GPC6: variants seen among roughly 807,000 people sequenced by gnomAD.
The protein encoded by GPC6 is glypican 6.
GPC6 carries 14 observed loss-of-function variants against 55.2 expected under a neutral mutation model. The ratio of observed to expected loss-of-function variants is 0.25; its 90% CI spans 0.17 to 0.40. GPC6 has a LOEUF of 0.40. GPC6 is among the 10% of genes least tolerant of loss of function. The probability of loss-of-function intolerance (pLI) is 1.00; values close to 1 mark genes in which losing one functional copy is unlikely to be tolerated. For missense variants in GPC6, 641 were observed against 708.5 expected, an observed-to-expected ratio of 0.90 and a Z score of 1.08; for synonymous variants, 278 against 259.6, an observed-to-expected ratio of 1.07 and a Z score of -0.68.
intron 5 of GPC6, among the ~76,000 whole-genome samples, chr13:94,294,298 T>C (rs1308863168): frequency 6.6e-6 from 1 of 152,250 alleles, no homozygotes; most frequent in East Asian, 1.9e-4. Flanking sequence ...GGAAGACTTA[T>C]TACATTCCAA....
At chr13:94,017,128 T>C (rs1882498855) in intron 3 of GPC6, among the ~76,000 whole-genome samples, 1 of 152,192 alleles carries the variant, frequency 6.6e-6, no homozygotes, top group African/African-American at 2.4e-5. Flanking sequence ...CCACCGTGCC[T>C]GGCCAGTTTT....
At chr13:93,604,826 G>C (rs555641112) in intron 2 of GPC6, among the ~76,000 whole-genome samples, 1 of 128,160 alleles carries the variant, frequency 7.8e-6, no homozygotes, top group South Asian at 2.3e-4. Context: ...GTAACTGGTA[G>C]ACATAAATAC....
intron 2 of GPC6, among the ~76,000 whole-genome samples, chr13:93,804,143 A>G (rs937936554): frequency 1.3e-5 from 2 of 152,198 alleles, no homozygotes. Context: ...ATTGATAGAT[A>G]GATATAGGTT....
chr13:93,848,908 T>G (rs1361757327), intron 3 of GPC6, among the ~76,000 whole-genome samples: 1 of 152,146 alleles, frequency 6.6e-6, no homozygotes, highest in African/African-American at 2.4e-5. Flanking sequence ...CAAAACTTGC[T>G]AAAATCCACT....
intron 4 of GPC6, among the ~76,000 whole-genome samples, chr13:94,248,267 G>C (rs7999603): frequency 6.6e-6 from 1 of 152,018 alleles, no homozygotes; most frequent in Non-Finnish European, 1.5e-5. Context: ...TGATTTCTCT[G>C]TCCTCACCTC....
intron 3 of GPC6, among the ~76,000 whole-genome samples, chr13:94,004,417 C>A (rs151032510): frequency 3.6e-4 from 54 of 152,036 alleles, no homozygotes; most frequent in African/African-American, 1.2e-3. Flanking sequence ...CCAGTGCAAC[C>A]CCTCCATCCC....
chr13:94,080,408 A>G (rs1885059869), intron 4 of GPC6, among the ~76,000 whole-genome samples: 1 of 152,238 alleles, frequency 6.6e-6, no homozygotes, highest in Non-Finnish European at 1.5e-5. Context: ...ATCTACTCCA[A>G]GCTATTAATC....
At chr13:93,373,593 G>C (rs977778906) in intron 1 of GPC6, among the ~76,000 whole-genome samples, 3 of 152,160 alleles carry the variant, frequency 2.0e-5, no homozygotes, top group Admixed American at 6.5e-5. Flanking sequence ...ATTATACTTA[G>C]ATTAGTGTGT....
At chr13:93,304,891 A>C (rs1878804585) in intron 1 of GPC6, among the ~76,000 whole-genome samples, 1 of 152,100 alleles carries the variant, frequency 6.6e-6, no homozygotes, top group Admixed American at 6.5e-5. Flanking sequence ...CTATACAAGT[A>C]TGTTTGGCTT....
At chr13:93,387,032 A>G (rs1296022426) in intron 1 of GPC6, among the ~76,000 whole-genome samples, 1 of 152,140 alleles carries the variant, frequency 6.6e-6, no homozygotes, top group Non-Finnish European at 1.5e-5. Flanking sequence ...CAAAGACCCT[A>G]TCTCCAAATA....
intron 2 of GPC6, among the ~76,000 whole-genome samples, chr13:93,825,409 A>G (rs2138972512): frequency 6.6e-6 from 1 of 152,334 alleles, no homozygotes; most frequent in African/African-American, 2.4e-5. Flanking sequence ...ATAGCACACA[A>G]GCTGCAGCTT....
chr13:93,463,471 A>G (rs1309239285), intron 1 of GPC6, among the ~76,000 whole-genome samples: 1 of 152,164 alleles, frequency 6.6e-6, no homozygotes, highest in Non-Finnish European at 1.5e-5. Context: ...TCTTAGTGTG[A>G]TTCAAGTACT....
intron 1 of GPC6, among the ~76,000 whole-genome samples, chr13:93,469,737 C>G (rs937983821): frequency 2.0e-5 from 3 of 152,078 alleles, no homozygotes; most frequent in African/African-American, 7.2e-5. Flanking sequence ...ATGTTTAGAT[C>G]TGTGATCCAT....
intron 2 of GPC6, among the ~76,000 whole-genome samples, chr13:93,545,954 G>C (rs1874766705): frequency 6.6e-6 from 1 of 152,076 alleles, no homozygotes. Flanking sequence ...CTGATTATAA[G>C]CAGTCAATGT....
rs527748494 is a variant in GPC6 at position 93,941,972 on chromosome 13, G to C, written c.712-85757G>C. On this transcript the variant is annotated intron_variant, in intron 3 of 8. Coordinates refer to ENST00000377047, the MANE Select transcript of GPC6 (RefSeq NM_005708.5). ...TGTAGTCTTTCTTTAGAGGTACCTG[G>C]TATACAGAAATCTCTCACAACACCA... Among the ~76,000 whole-genome samples the C allele has an allele frequency of 2.0e-5, 3 of 152,200 alleles. No individual in the cohort carries two copies. In the East Asian group the frequency reaches 5.8e-4, roughly 29 times the overall value.
chr13:93,277,361 G>A (rs997540565), intron 1 of GPC6, among the ~76,000 whole-genome samples: 3 of 152,170 alleles, frequency 2.0e-5, no homozygotes, highest in Non-Finnish European at 4.4e-5. Context: ...ATTAAGAGTT[G>A]TAAGGATCAA....
At chr13:93,485,650 A>G (rs1346657596) in intron 1 of GPC6, among the ~76,000 whole-genome samples, 3 of 152,224 alleles carry the variant, frequency 2.0e-5, no homozygotes, top group Admixed American at 1.3e-4. Flanking sequence ...TTGAGAAAGC[A>G]AAATGACCCT....
rs1261633196 is a variant in GPC6, at chr13:94,305,970, G to A, written c.1009-10G>A. Reference sequence around the variant, plus strand: ...GTATAGCTGTTTTTACTTTTCAATGGTTCTTCCAGGTCTTTCAGGGATGTG... The same window carrying A: ...GTATAGCTGTTTTTACTTTTCAATGATTCTTCCAGGTCTTTCAGGGATGTG... On this transcript the variant is annotated splice_polypyrimidine_tract_variant and intron_variant, in intron 5 of 8. Coordinates refer to ENST00000377047, the MANE Select transcript of GPC6 (RefSeq NM_005708.5). 6.2e-7 allele frequency: 1 copy of A among 1,613,858 alleles called. No homozygotes were observed. The highest frequency in any genetic ancestry group is 8.5e-7 in the Non-Finnish European group (1 of 1,179,816).
chr13:93,902,124 C>G (rs949458751), intron 3 of GPC6, among the ~76,000 whole-genome samples: 1 of 151,880 alleles, frequency 6.6e-6, no homozygotes, highest in African/African-American at 2.4e-5. Flanking sequence ...TATTGTTTTC[C>G]ATAGTCATCC....
Sources: gnomAD v4.1 joint callset for allele counts (sites outside exome capture counted in the v4.1 genomes callset) on GRCh38, gnomAD v4.1.1 for gene constraint, MANE v1.5 for transcripts, NCBI Gene and HGNC (gene_info 2026-07-23, HGNC 2026-07-21) for gene names.